The following DYM variants were observed in gnomAD, a reference collection of about 807,000 sequenced individuals.
DYM encodes the protein dymeclin.
Under a neutral mutation model 93.1 loss-of-function variants are expected in DYM, and 78 were observed. That is an observed-to-expected ratio of 0.84 (90% CI 0.70 to 1.01). DYM has a LOEUF of 1.01. Ranked by LOEUF, DYM falls within the 50% of genes least tolerant of loss-of-function variation. The probability of loss-of-function intolerance (pLI) is 0.00; values close to 1 mark genes in which losing one functional copy is unlikely to be tolerated. For missense variants in DYM, 789 were observed against 845.0 expected (o/e 0.93, Z 0.82); for synonymous variants, 321 against 319.7 (o/e 1.00, Z -0.04).
intron 15 of DYM, among the ~76,000 whole-genome samples, chr18:49,130,931 A>G (rs1357031748): frequency 6.6e-6 from 1 of 152,222 alleles, no homozygotes; most frequent in Admixed American, 6.5e-5. Flanking sequence ...CAGCTTTACC[A>G]TATGTTAGCT....
chr18:49,107,216 C>T (rs1461748221), intron 16 of DYM, among the ~76,000 whole-genome samples: 1 of 152,198 alleles, frequency 6.6e-6, no homozygotes, highest in Non-Finnish European at 1.5e-5. Context: ...GAGGCTTGTG[C>T]ATTCGTCACG....
intron 11 of DYM, among the ~76,000 whole-genome samples, chr18:49,258,861 G>C (rs1255078026): frequency 5.3e-5 from 6 of 112,332 alleles, no homozygotes; most frequent in African/African-American, 1.8e-4. Context: ...GAGAGAGAGA[G>C]AGAGAGAGAG....
chr18:49,273,816 CTTTTT>C (rs35929710), intron 10 of DYM, among the ~76,000 whole-genome samples: 1 of 137,296 alleles, frequency 7.3e-6, no homozygotes, highest in Non-Finnish European at 1.6e-5. Flanking sequence ...TATTTTATGC[CTTTTT>C]TTTTTTTTTT....
chr18:49,067,366 G>GTGAGTAT (rs1241933629), intron 17 of DYM, among the ~76,000 whole-genome samples: 43 of 992 alleles, frequency 0.043, no homozygotes, highest in Non-Finnish European at 0.07. Context: ...GTGGGGTGAT[G>GTGAGTAT]TGTTATGGAG....
At chr18:49,069,074 T>C (rs188954142) in intron 17 of DYM, among the ~76,000 whole-genome samples, 1 of 152,352 alleles carries the variant, frequency 6.6e-6, no homozygotes, top group East Asian at 1.9e-4. Flanking sequence ...TAGCCTAGTT[T>C]ACCCTCATTT....
chr18:49,085,606 C>CTTTTTTTTT (rs11437833), intron 17 of DYM, among the ~76,000 whole-genome samples: 5,344 of 102,024 alleles, frequency 0.052, 647 homozygotes, highest in Non-Finnish European at 0.08. Flanking sequence ...ACAACTGGTC[C>CTTTTTTTTT]TTTTTTTTTT....
At chr18:49,426,717 A>AAAGTTCACGG (rs2074327349) in intron 2 of DYM, among the ~76,000 whole-genome samples, 1 of 151,468 alleles carries the variant, frequency 6.6e-6, no homozygotes, top group African/African-American at 2.4e-5. Flanking sequence ...ACTGGGTATC[A>AAAGTTCACGG]AAAAGAAAAA....
chr18:49,415,431 T>A (rs2072847291), intron 2 of DYM, among the ~76,000 whole-genome samples: 1 of 149,416 alleles, frequency 6.7e-6, no homozygotes, highest in African/African-American at 2.4e-5. Flanking sequence ...TTTTTATCTT[T>A]TTTTTTTTTT....
intron 5 of DYM, among the ~76,000 whole-genome samples, chr18:49,374,553 T>C (rs1264016804): frequency 6.6e-6 from 1 of 152,184 alleles, no homozygotes; most frequent in Admixed American, 6.5e-5. Flanking sequence ...GAAATAAATT[T>C]TGGTGAAATG....
chr18:49,419,472 A>T (rs564595234), intron 2 of DYM, among the ~76,000 whole-genome samples: 8 of 152,234 alleles, frequency 5.3e-5, no homozygotes, highest in Admixed American at 2.0e-4. Flanking sequence ...ACAGGTCGAC[A>T]AAAATGGCTA....
rs182632744 is a variant in DYM at position 49,162,913 on chromosome 18, C to T, written c.1728+772G>A. On this transcript the variant is annotated intron_variant, in intron 15 of 17. Transcript: ENST00000675505. ...GATAAACCTGGATGGTAGAAAGCAGCAGCAGAATAAAGCAGAAGCAAAAGG... is the reference window on the plus strand; with the variant it reads ...GATAAACCTGGATGGTAGAAAGCAGTAGCAGAATAAAGCAGAAGCAAAAGG... Among the ~76,000 whole-genome samples the T allele has an allele frequency of 1.8e-4, 28 of 152,320 alleles. No individual in the cohort carries two copies. The East Asian group carries it at 5.2e-3, about 28-fold the overall frequency.
At chr18:49,202,250 C>G (rs1053691826) in intron 14 of DYM, among the ~76,000 whole-genome samples, 2 of 152,362 alleles carry the variant, frequency 1.3e-5, no homozygotes, top group South Asian at 4.1e-4. Flanking sequence ...GTGAGCCATT[C>G]GCGACCTTTT....
intron 17 of DYM, among the ~76,000 whole-genome samples, chr18:49,059,094 A>G (rs2075740272): frequency 6.6e-6 from 1 of 152,234 alleles, no homozygotes; most frequent in Admixed American, 6.5e-5. Flanking sequence ...ACACTTTCTG[A>G]TGAAGAAAGA....
chr18:49,203,940 A>T (rs1457915916), intron 14 of DYM, among the ~76,000 whole-genome samples: 4 of 1,412 alleles, frequency 2.8e-3, no homozygotes, highest in African/African-American at 3.0e-3. Flanking sequence ...GAGCTGCCAC[A>T]TTAGCTCTAC....
intron 6 of DYM, among the ~76,000 whole-genome samples, chr18:49,336,351 A>C (rs1320432428): frequency 1.3e-5 from 2 of 152,202 alleles, no homozygotes; most frequent in Admixed American, 6.5e-5. Context: ...AAACACAATC[A>C]GAAGTGAGAG....
At chr18:49,109,846 G>A (rs1420160218) in intron 16 of DYM, among the ~76,000 whole-genome samples, 1 of 152,202 alleles carries the variant, frequency 6.6e-6, no homozygotes, top group Non-Finnish European at 1.5e-5. Flanking sequence ...AGGACAGTCA[G>A]TGCCTTTGCT....
intron 13 of DYM, among the ~76,000 whole-genome samples, chr18:49,216,868 C>T (rs1346765497): frequency 2.6e-5 from 4 of 152,242 alleles, no homozygotes; most frequent in African/African-American, 7.2e-5. Context: ...CAAAGGAACG[C>T]AGTTCCTCAC....
intron 16 of DYM, among the ~76,000 whole-genome samples, chr18:49,115,157 A>C (rs2081811430): frequency 6.6e-6 from 1 of 152,268 alleles, no homozygotes; most frequent in African/African-American, 2.4e-5. Context: ...GGATTAAGTA[A>C]GTTATTGCAC....
intron 8 of DYM, among the ~76,000 whole-genome samples, chr18:49,308,268 C>G (rs1445295614): frequency 7.0e-6 from 1 of 143,714 alleles, no homozygotes; most frequent in Non-Finnish European, 1.5e-5. Context: ...TATAAACAGA[C>G]ATTTCATACA....
Sources: gnomAD v4.1 joint callset for allele counts (sites outside exome capture counted in the v4.1 genomes callset) on GRCh38, gnomAD v4.1.1 for gene constraint, MANE v1.5 for transcripts, NCBI Gene and HGNC (gene_info 2026-07-23, HGNC 2026-07-21) for gene names.